POLD3: variants seen among roughly 807,000 people sequenced by gnomAD.
The protein encoded by POLD3 is DNA polymerase delta subunit 3.
A neutral mutation model predicts 58.2 loss-of-function variants in POLD3; 19 were observed. The ratio of observed to expected loss-of-function variants is 0.33; its 90% CI spans 0.23 to 0.48. The LOEUF (loss-of-function observed/expected upper bound fraction) is 0.48, where lower values mean the gene tolerates loss of function less well. Ranked by LOEUF, POLD3 falls within the 20% of genes least tolerant of loss-of-function variation. POLD3 has a pLI of 0.99. For synonymous variants in POLD3, 172 were observed against 193.5 expected, an observed-to-expected ratio of 0.89 and a Z score of 0.92; for missense variants, 504 against 545.5, an observed-to-expected ratio of 0.92 and a Z score of 0.76.
chr11:74,607,240 T>TTTTA (rs1554974447), intron 3 of POLD3, among the ~76,000 whole-genome samples: 10 of 61,916 alleles, frequency 1.6e-4, no homozygotes, highest in Admixed American at 6.9e-4. Flanking sequence ...ATTATTATTA[T>TTTTA]TATATATTTA....
Position 74,642,512 on chromosome 11 carries a change from T to C in POLD3, c.*1746T>C. ...CTAAAAATTATGCTGGGGTCTCGAC[T>C]AAAACTGAATTTGAATTGGAAAATT... On this transcript the variant is annotated 3_prime_UTR_variant, in exon 12 of 12. Coordinates refer to ENST00000263681, the MANE Select transcript of POLD3 (RefSeq NM_006591.3). The C allele has an allele frequency of 1.0e-6, 1 of 984,988 alleles. No homozygotes were observed. Among genetic ancestry groups the C allele is most frequent in the South Asian group, 4.7e-5 (1 of 21,276 alleles). 61.0% of individuals were successfully genotyped at this position (984,988 alleles called of 1,614,324 possible). A position where few individuals can be genotyped will look rare whatever the true frequency, so the allele number is the denominator to read the frequency against.
chr11:74,665,530 AG>A (rs1404080143), intron 4 of POLD3, among the ~76,000 whole-genome samples: 1 of 150,514 alleles, frequency 6.6e-6, no homozygotes, highest in African/African-American at 2.4e-5. Flanking sequence ...CCTCCAGAGT[AG>A]CTGCAATTAC....
chr11:74,661,972 C>T (rs1336763047), intron 4 of POLD3, among the ~76,000 whole-genome samples: 1 of 152,256 alleles, frequency 6.6e-6, no homozygotes, highest in African/African-American at 2.4e-5. Flanking sequence ...ACCACCACCA[C>T]AGGCCCATGG....
intron 6 of POLD3, among the ~76,000 whole-genome samples, 176 bp downstream of exon 6, chr11:74,618,980 G>T (rs55680988): frequency 6.6e-6 from 1 of 152,238 alleles, no homozygotes; most frequent in South Asian, 2.1e-4. Context: ...GAGTTCTTTT[G>T]CTTTTGATAA....
At chr11:74,596,853 T>A (rs1419596876) in intron 2 of POLD3, among the ~76,000 whole-genome samples, 1 of 152,212 alleles carries the variant, frequency 6.6e-6, no homozygotes, top group Non-Finnish European at 1.5e-5. Flanking sequence ...ATGAGTGAGA[T>A]CATGTAGTAT....
Position 74,625,871 on chromosome 11 carries a change from T to TG in POLD3, c.899+298_899+299insG, listed in dbSNP as rs2032418262. Among the ~76,000 whole-genome samples the TG allele has an allele frequency of 1.4e-4, 20 of 143,680 alleles. No individual in the cohort carries two copies. The East Asian group carries it at 2.8e-3, about 20-fold the overall frequency. 94.3% of individuals were successfully genotyped at this position (143,680 alleles called of 152,430 possible). Reference sequence around the variant, plus strand: ...GTGGACATGGCATAAGTGTGCCTAGTTGTGTGTGTGTGTGTGTGTGTGTGT... The same window carrying TG: ...GTGGACATGGCATAAGTGTGCCTAGTGTGTGTGTGTGTGTGTGTGTGTGTGT... On this transcript the variant is annotated intron_variant, in intron 8 of 11. Coordinates refer to ENST00000263681, the MANE Select transcript of POLD3 (RefSeq NM_006591.3).
At chr11:74,609,216 T>C (rs2031800395) in intron 3 of POLD3, among the ~76,000 whole-genome samples, 1 of 151,568 alleles carries the variant, frequency 6.6e-6, no homozygotes, top group Admixed American at 6.6e-5. Context: ...CTCACTGTAC[T>C]GAAGCCACCA....
chr11:74,649,517 A>G (rs1445086483), intron 4 of POLD3, among the ~76,000 whole-genome samples: 1 of 152,202 alleles, frequency 6.6e-6, no homozygotes, highest in East Asian at 1.9e-4. Context: ...ATACTTAGAA[A>G]TGTACCAATG....
intron 9 of POLD3, 37 bp downstream of exon 9, chr11:74,629,360 A>G: frequency 2.6e-6 from 3 of 1,173,580 alleles, no homozygotes; most frequent in South Asian, 2.6e-5. Flanking sequence ...AGGGGGATCA[A>G]TTTTACTTTC....
chr11:74,620,526 G>A (rs1474816792), intron 7 of POLD3, among the ~76,000 whole-genome samples: 1 of 152,116 alleles, frequency 6.6e-6, no homozygotes, highest in African/African-American at 2.4e-5. Flanking sequence ...CCTTTCTTCA[G>A]TTATTTTTTG....
In POLD3 at chr11:74,632,877, TACACACACAC is replaced by T. The variant is rs71036003; in HGVS notation, c.1007-1658_1007-1649del. Reference sequence around the variant, plus strand: ...GGTGGTTTTCCTTTATTTAAGTAAATACACACACACACACACACACACACACACACACACA... The same window carrying T: ...GGTGGTTTTCCTTTATTTAAGTAAATACACACACACACACACACACACACA... On this transcript the variant is annotated intron_variant, in intron 9 of 11. Coordinates refer to ENST00000263681, the MANE Select transcript of POLD3 (RefSeq NM_006591.3). Among the ~76,000 whole-genome samples the T allele has an allele frequency of 4.7e-3, 545 of 115,760 alleles. 7 individuals carry two copies. Among genetic ancestry groups the T allele is most frequent in the Middle Eastern group, 0.013 (3 of 234 alleles). The allele number at this position is 115,760 out of a possible 152,430, so 75.9% of individuals were successfully genotyped here.
chr11:74,594,133 A>C lies in POLD3; in HGVS notation c.116+17A>C. The C allele has an allele frequency of 6.8e-7, 1 of 1,474,260 alleles. No individual in the cohort carries two copies. Among genetic ancestry groups the C allele is most frequent in the Non-Finnish European group, 9.5e-7 (1 of 1,052,494 alleles). The allele number at this position is 1,474,260 out of a possible 1,614,324, so 91.3% of individuals were successfully genotyped here. A position where few individuals can be genotyped will look rare whatever the true frequency, so the allele number is the denominator to read the frequency against. ...GGCCAAACAGTAAGTCCAATTTACT[A>C]CCAATTTTAATCATATTGGAATTTT... On this transcript the variant is annotated intron_variant, in intron 2 of 11. Coordinates refer to ENST00000263681, the MANE Select transcript of POLD3 (RefSeq NM_006591.3).
chr11:74,601,138 G>A (rs762275076), intron 2 of POLD3, among the ~76,000 whole-genome samples: 14 of 152,238 alleles, frequency 9.2e-5, no homozygotes, highest in Admixed American at 2.0e-4. Flanking sequence ...GATATGGGCA[G>A]GACTATTAGT....
At chr11:74,668,413 T>C (rs2033298789) in intron 4 of POLD3, among the ~76,000 whole-genome samples, 1 of 152,184 alleles carries the variant, frequency 6.6e-6, no homozygotes. Context: ...GAAATATTGA[T>C]ATATACCATT....
intron 6 of POLD3, among the ~76,000 whole-genome samples, chr11:74,619,197 T>C (rs1434977625): frequency 6.6e-6 from 1 of 152,266 alleles, no homozygotes; most frequent in Non-Finnish European, 1.5e-5. Context: ...TCCTAGTGTA[T>C]TTCCCATTCT....
chr11:74,625,657 T>C (rs539511742), intron 8 of POLD3, 84 bp downstream of exon 8: 1 of 1,109,098 alleles, frequency 9.0e-7, no homozygotes, highest in Admixed American at 2.6e-5. Flanking sequence ...GCAGGCAGTT[T>C]TCAGTTAAGT....
At chr11:74,593,020 C>T in intron 1 of POLD3, 3 of 1,233,746 alleles carry the variant, frequency 2.4e-6, no homozygotes, top group Non-Finnish European at 3.1e-6. Context: ...TAAGGCGTCC[C>T]TACACCTTTC....
At chr11:74,665,635 G>C (rs2033259417) in intron 4 of POLD3, among the ~76,000 whole-genome samples, 2 of 151,926 alleles carry the variant, frequency 1.3e-5, no homozygotes, top group South Asian at 4.2e-4. Flanking sequence ...CTTGACCTCA[G>C]GTGATCCGCC....
chr11:74,647,190 A>G (rs1313730254), downstream of POLD3, among the ~76,000 whole-genome samples: 1 of 152,214 alleles, frequency 6.6e-6, no homozygotes, highest in Non-Finnish European at 1.5e-5. Context: ...CTAGGTTTCT[A>G]GCAGGCCACA....
Sources: allele counts gnomAD v4.1 joint callset (sites outside exome capture counted in the v4.1 genomes callset), GRCh38; gene constraint gnomAD v4.1.1; transcripts MANE v1.5; gene names NCBI Gene and HGNC (gene_info 2026-07-23, HGNC 2026-07-21).